PRKAR2B: variants seen among roughly 807,000 people sequenced by gnomAD.
The protein encoded by PRKAR2B is protein kinase cAMP-dependent type II regulatory subunit beta.
PRKAR2B carries 14 observed loss-of-function variants against 49.9 expected under a neutral mutation model. That is an observed-to-expected ratio of 0.28 (90% CI 0.19 to 0.44). PRKAR2B has a LOEUF of 0.44. Among genes scored for constraint, PRKAR2B ranks in the 20% least tolerant of loss-of-function variants. The pLI is 1.00. For missense variants in PRKAR2B, 393 were observed against 537.9 expected (o/e 0.73, Z 2.67); for synonymous variants, 196 against 197.7 (o/e 0.99, Z 0.07).
chr7:107,153,383 C>A, intron 8 of PRKAR2B, 132 bp downstream of exon 8: 1 of 533,472 alleles, frequency 1.9e-6, no homozygotes, highest in Non-Finnish European at 3.1e-6. Context: ...TTACTTCTAC[C>A]AAATGACCTG....
chr7:107,161,632 TAGTA>T lies in PRKAR2B; in HGVS notation c.*2053_*2056del, dbSNP rs1562876098. The T allele has an allele frequency of 6.6e-6, 1 of 152,558 alleles. No homozygotes were observed. Among genetic ancestry groups the T allele is most frequent in the Admixed American group, 6.5e-5 (1 of 15,284 alleles). The allele number at this position is 152,558 out of a possible 1,614,324, so 9.5% of individuals were successfully genotyped here. ...GGAAGCGAACCCCCAGGGCATAACATAGTAAGAAAGTATGGTTCTGTATGGCAAT... is the reference window on the plus strand; with the variant it reads ...GGAAGCGAACCCCCAGGGCATAACATAGAAAGTATGGTTCTGTATGGCAAT... On this transcript the variant is annotated 3_prime_UTR_variant, in exon 11 of 11. Coordinates refer to ENST00000265717, the MANE Select transcript of PRKAR2B (RefSeq NM_002736.3).
At position 107,085,616 on chromosome 7, in the gene PRKAR2B, T is replaced by A. The variant is rs533136357; in HGVS notation, c.343+15300T>A. On this transcript the variant is annotated intron_variant, in intron 2 of 10. Coordinates refer to ENST00000265717, the MANE Select transcript of PRKAR2B (RefSeq NM_002736.3). ...GCCATACCTAATAGTTTGTTGTGTA[T>A]TTCCTTGGGTGTTTTTATGCACATA... Among the ~76,000 whole-genome samples, 3 of 152,316 alleles carry A rather than the reference T, an allele frequency of 2.0e-5. No individual in the cohort carries two copies. The South Asian group carries it at 6.2e-4, about 32-fold the overall frequency.
At chr7:107,047,242 C>T (rs1793715578) in intron 1 of PRKAR2B, among the ~76,000 whole-genome samples, 1 of 152,198 alleles carries the variant, frequency 6.6e-6, no homozygotes, top group Non-Finnish European at 1.5e-5. Context: ...ACAGGTACTT[C>T]CTTCTGTCAG....
chr7:107,111,734 A>G (rs1048038144), intron 2 of PRKAR2B, among the ~76,000 whole-genome samples: 2 of 152,074 alleles, frequency 1.3e-5, no homozygotes, highest in Non-Finnish European at 2.9e-5. Flanking sequence ...ATTCAGATCA[A>G]ATTACTTGAT....
chr7:107,059,995 T>G (rs1793994813), intron 1 of PRKAR2B, among the ~76,000 whole-genome samples: 1 of 152,148 alleles, frequency 6.6e-6, no homozygotes, highest in Non-Finnish European at 1.5e-5. Flanking sequence ...TCATACCAGA[T>G]TTGCAAAAAT....
At chr7:107,145,718 C>A (rs1795878539) in intron 5 of PRKAR2B, among the ~76,000 whole-genome samples, 1 of 149,974 alleles carries the variant, frequency 6.7e-6, no homozygotes, top group African/African-American at 2.5e-5. Context: ...CCACCACACC[C>A]AGCCTCTTCA....
intron 1 of PRKAR2B, 21 bp from the exon 2 acceptor site, chr7:107,070,257 ATAT>A: frequency 6.3e-7 from 1 of 1,592,262 alleles, no homozygotes; most frequent in Non-Finnish European, 8.6e-7. Flanking sequence ...TAATCTAATC[ATAT>A]TATTCTGCTT....
rs142928016 is a variant in PRKAR2B, at chr7:107,073,311, C to T, written c.343+2995C>T. On this transcript the variant is annotated intron_variant, in intron 2 of 10. Transcript: ENST00000265717. ...GAACACTATTTGTGCTATAGTCTCT[C>T]GTCTTCCTCATGTGTTCAGTGCTGG... Among the ~76,000 whole-genome samples the T allele has an allele frequency of 3.4e-3, 498 of 147,400 alleles. 3 individuals carry two copies. The highest frequency in any genetic ancestry group is 0.012 in the African/African-American group (464 of 37,872).
At chr7:107,157,345 C>T (rs766326664) in intron 10 of PRKAR2B, 21 bp downstream of exon 10, 6 of 1,598,554 alleles carry the variant, frequency 3.8e-6, no homozygotes, top group South Asian at 2.2e-5. Context: ...CAACAGTGGG[C>T]GTGCTTCTGC....
At chr7:107,124,523 T>G (rs1795450677) in intron 3 of PRKAR2B, among the ~76,000 whole-genome samples, 1 of 152,224 alleles carries the variant, frequency 6.6e-6, no homozygotes, top group Non-Finnish European at 1.5e-5. Flanking sequence ...GGTCAAGTGA[T>G]TCTCATGCCT....
intron 4 of PRKAR2B, among the ~76,000 whole-genome samples, chr7:107,137,051 A>G (rs951259308): frequency 1.3e-5 from 2 of 152,222 alleles, no homozygotes. Flanking sequence ...CAATGTGGAA[A>G]GGCTATGTGC....
At chr7:107,097,104 G>A (rs1794854516) in intron 2 of PRKAR2B, among the ~76,000 whole-genome samples, 1 of 152,148 alleles carries the variant, frequency 6.6e-6, no homozygotes, top group African/African-American at 2.4e-5. Flanking sequence ...AATGTTGACA[G>A]TGGGGTGTTA....
chr7:107,060,770 T>C lies in PRKAR2B; in HGVS notation c.308-9511T>C, dbSNP rs552189537. Among the ~76,000 whole-genome samples the C allele has an allele frequency of 5.3e-5, 8 of 152,292 alleles. No individual in the cohort carries two copies. In the South Asian group the frequency reaches 1.7e-3, roughly 32 times the overall value. ...CTTTGAACATAATTTTTAATTTTAA[T>C]GTAGGCTAATGTTAATCATTCCTTT... On this transcript the variant is annotated intron_variant, in intron 1 of 10. Transcript: ENST00000265717.
In PRKAR2B at chr7:107,114,428, C is replaced by T. The variant is rs190559919; in HGVS notation, c.344-7524C>T. 3.1e-3 allele frequency among the ~76,000 whole-genome samples: 472 copies of T among 151,288 alleles called. 4 individuals carry two copies. Among genetic ancestry groups the T allele is most frequent in the African/African-American group, 0.011 (462 of 41,270 alleles). ...CCAGGCTGGAGTGCAGTGGCACCATCTCGGCTCACTGCAACCTCCGCTTCC... is the reference window on the plus strand; with the variant it reads ...CCAGGCTGGAGTGCAGTGGCACCATTTCGGCTCACTGCAACCTCCGCTTCC... On this transcript the variant is annotated intron_variant, in intron 2 of 10. Coordinates refer to ENST00000265717, the MANE Select transcript of PRKAR2B (RefSeq NM_002736.3).
chr7:107,072,110 T>A (rs1404461159), intron 2 of PRKAR2B, among the ~76,000 whole-genome samples: 4 of 149,058 alleles, frequency 2.7e-5, no homozygotes, highest in South Asian at 4.2e-4. Flanking sequence ...AAAATAAATA[T>A]ATATATATAT....
At chr7:107,080,533 G>A (rs1338639061) in intron 2 of PRKAR2B, among the ~76,000 whole-genome samples, 1 of 152,174 alleles carries the variant, frequency 6.6e-6, no homozygotes, top group Non-Finnish European at 1.5e-5. Flanking sequence ...GAAGCTTAAG[G>A]CATGGGGAGA....
At chr7:107,093,783 T>C (rs1278488951) in intron 2 of PRKAR2B, among the ~76,000 whole-genome samples, 1 of 151,934 alleles carries the variant, frequency 6.6e-6, no homozygotes, top group Admixed American at 6.6e-5. Context: ...GTCCTTGCGA[T>C]AGTTTGCTCA....
chr7:107,098,127 C>T (rs991768520), intron 2 of PRKAR2B, among the ~76,000 whole-genome samples: 4 of 152,182 alleles, frequency 2.6e-5, no homozygotes, highest in African/African-American at 7.2e-5. Context: ...TTCCTTTCTC[C>T]CCGTCACTTT....
intron 2 of PRKAR2B, among the ~76,000 whole-genome samples, chr7:107,072,862 T>A (rs897296644): frequency 5.9e-5 from 9 of 152,208 alleles, no homozygotes; most frequent in African/African-American, 1.9e-4. Context: ...CCCATAAAAC[T>A]TTAATGTAAG....
Sources: gnomAD v4.1 joint callset for allele counts (sites outside exome capture counted in the v4.1 genomes callset) on GRCh38, gnomAD v4.1.1 for gene constraint, MANE v1.5 for transcripts, NCBI Gene and HGNC (gene_info 2026-07-23, HGNC 2026-07-21) for gene names.